Variants in B3GALT1 observed in about 807,000 individuals in gnomAD.
B3GALT1 encodes beta-1,3-galactosyltransferase 1.
B3GALT1 carries 10 observed loss-of-function variants against 23.2 expected under a neutral mutation model. The observed-to-expected ratio is 0.43, with a 90% CI of 0.27 to 0.73. The LOEUF is 0.73. Ranked by LOEUF, B3GALT1 falls within the 30% of genes least tolerant of loss-of-function variation. The probability of loss-of-function intolerance (pLI) is 0.21; values close to 1 mark genes in which losing one functional copy is unlikely to be tolerated. For synonymous variants in B3GALT1, 156 were observed against 141.5 expected (o/e 1.10, Z -0.73); for missense variants, 299 against 405.4 (o/e 0.74, Z 2.25).
chr2:167,444,259 T>C, intron 1 of B3GALT1, among the ~76,000 whole-genome samples: 1 of 152,228 alleles, frequency 6.6e-6, no homozygotes, highest in East Asian at 1.9e-4. Context: ...TGCTGCTGGA[T>C]TTGGTTTGCC....
chr2:167,396,558 GTGTGTGTT>G (rs1234452427), intron 1 of B3GALT1, among the ~76,000 whole-genome samples: 1 of 150,174 alleles, frequency 6.7e-6, no homozygotes, highest in Admixed American at 6.6e-5. Context: ...GTGTGTGTGT[GTGTGTGTT>G]TAATTTTAAA....
At chr2:167,584,630 G>A (rs1684555003) in intron 2 of B3GALT1, among the ~76,000 whole-genome samples, 1 of 152,134 alleles carries the variant, frequency 6.6e-6, no homozygotes, top group African/African-American at 2.4e-5. Flanking sequence ...CAAGCCCTAA[G>A]TTGTTTTACC....
chr2:167,820,911 C>CAGAT (rs1689092547), intron 4 of B3GALT1, among the ~76,000 whole-genome samples: 1 of 152,210 alleles, frequency 6.6e-6, no homozygotes, highest in Admixed American at 6.5e-5. Context: ...TGCTTTAAGA[C>CAGAT]AGATTAAGTA....
intron 4 of B3GALT1, among the ~76,000 whole-genome samples, chr2:167,824,952 G>GAGTT (rs1035944667): frequency 5.9e-5 from 9 of 151,938 alleles, no homozygotes; most frequent in African/African-American, 2.2e-4. Context: ...ATAAACTTAA[G>GAGTT]AGTTATTCAC....
intron 3 of B3GALT1, among the ~76,000 whole-genome samples, chr2:167,785,861 G>A (rs1049229523): frequency 2.0e-5 from 3 of 152,180 alleles, no homozygotes; most frequent in African/African-American, 7.2e-5. Context: ...GAGAAGTGAA[G>A]TCAAAGCCCT....
intron 3 of B3GALT1, among the ~76,000 whole-genome samples, chr2:167,667,931 GC>G (rs1204179609): frequency 6.6e-6 from 1 of 152,184 alleles, no homozygotes; most frequent in African/African-American, 2.4e-5. Flanking sequence ...ATCTTCTGAA[GC>G]CTTCTTCTCT....
At chr2:167,854,537 A>C (rs1689963365) in intron 4 of B3GALT1, among the ~76,000 whole-genome samples, 1 of 152,170 alleles carries the variant, frequency 6.6e-6, no homozygotes, top group Non-Finnish European at 1.5e-5. Flanking sequence ...AGAACCAGGG[A>C]CCTTTGTCAC....
At chr2:167,504,545 A>T (rs1699892487) in intron 2 of B3GALT1, among the ~76,000 whole-genome samples, 1 of 152,170 alleles carries the variant, frequency 6.6e-6, no homozygotes, top group African/African-American at 2.4e-5. Context: ...AAAAGTGAAA[A>T]GAAAATTACT....
chr2:167,614,751 A>G (rs528512297), intron 2 of B3GALT1, among the ~76,000 whole-genome samples: 1 of 152,184 alleles, frequency 6.6e-6, no homozygotes, highest in Non-Finnish European at 1.5e-5. Flanking sequence ...TATAATTATA[A>G]TGCAAATGCA....
At chr2:167,855,695 A>G (rs1290427625) in intron 4 of B3GALT1, among the ~76,000 whole-genome samples, 1 of 152,090 alleles carries the variant, frequency 6.6e-6, no homozygotes, top group African/African-American at 2.4e-5. Flanking sequence ...TTGATTTCTG[A>G]TATTTTGTAT....
chr2:167,357,062 A>G (rs562676807), intron 1 of B3GALT1, among the ~76,000 whole-genome samples: 1 of 141,440 alleles, frequency 7.1e-6, no homozygotes, highest in South Asian at 2.1e-4. Context: ...GACAGTACAC[A>G]TGTGAATAAA....
At chr2:167,384,049 C>G (rs1697883135) in intron 1 of B3GALT1, among the ~76,000 whole-genome samples, 1 of 152,140 alleles carries the variant, frequency 6.6e-6, no homozygotes, top group Non-Finnish European at 1.5e-5. Flanking sequence ...GAGTAAAGAG[C>G]ACCAGTTACT....
intron 3 of B3GALT1, among the ~76,000 whole-genome samples, chr2:167,722,711 C>G (rs1027409778): frequency 1.4e-4 from 21 of 152,110 alleles, no homozygotes; most frequent in African/African-American, 4.8e-4. Context: ...TTCCACTGCC[C>G]TGGGAATCAT....
rs374967494 is a variant in B3GALT1, at chr2:167,314,077, A to G, written c.-511+20743A>G. ...TTACACACAAAAGACTTTGTCACCA[A>G]TATTAATGTGATGTGCTTTTGAACC... On this transcript the variant is annotated intron_variant, in intron 1 of 4. Coordinates refer to ENST00000392690, the MANE Select transcript of B3GALT1 (RefSeq NM_020981.4). Among the ~76,000 whole-genome samples the G allele has an allele frequency of 3.2e-4, 49 of 152,242 alleles. No individual in the cohort carries two copies. The East Asian group carries it at 8.5e-3, about 26-fold the overall frequency.
At chr2:167,833,469 G>A (rs971733666) in intron 4 of B3GALT1, among the ~76,000 whole-genome samples, 5 of 152,060 alleles carry the variant, frequency 3.3e-5, no homozygotes, top group East Asian at 1.9e-4. Flanking sequence ...CTTAAGATTC[G>A]GAAAGATTCC....
chr2:167,696,781 T>C (rs1199338196), intron 3 of B3GALT1, among the ~76,000 whole-genome samples: 1 of 152,166 alleles, frequency 6.6e-6, no homozygotes, highest in Admixed American at 6.6e-5. Context: ...TTTCTATAGA[T>C]ATTGACACTT....
At chr2:167,346,868 A>G (rs1173822932) in intron 1 of B3GALT1, among the ~76,000 whole-genome samples, 1 of 151,914 alleles carries the variant, frequency 6.6e-6, no homozygotes, top group African/African-American at 2.4e-5. Flanking sequence ...GGAAAAAACA[A>G]TTTTCTACAC....
At chr2:167,306,302 G>A (rs1344969509) in intron 1 of B3GALT1, among the ~76,000 whole-genome samples, 1 of 151,898 alleles carries the variant, frequency 6.6e-6, no homozygotes, top group African/African-American at 2.4e-5. Flanking sequence ...AAATGCACAT[G>A]CTTTAATGTT....
At chr2:167,684,014 A>G (rs1277022452) in intron 3 of B3GALT1, among the ~76,000 whole-genome samples, 3 of 152,220 alleles carry the variant, frequency 2.0e-5, no homozygotes, top group Admixed American at 2.0e-4. Context: ...CATATGGTCC[A>G]GCAAACCTTT....
Sources: gnomAD v4.1 joint callset for allele counts (sites outside exome capture counted in the v4.1 genomes callset) on GRCh38, gnomAD v4.1.1 for gene constraint, MANE v1.5 for transcripts, NCBI Gene and HGNC (gene_info 2026-07-23, HGNC 2026-07-21) for gene names.